The following SLC17A9 variants were observed in gnomAD, a reference collection of about 807,000 sequenced individuals.
SLC17A9 encodes the protein solute carrier family 17 member 9.
Under a neutral mutation model 55.0 loss-of-function variants are expected in SLC17A9, and 49 were observed. The ratio of observed to expected loss-of-function variants is 0.89; its 90% CI spans 0.71 to 1.13. SLC17A9 has a LOEUF of 1.13. Ranked by LOEUF, SLC17A9 falls within the 50% of genes most tolerant of loss-of-function variation. The pLI, the probability that SLC17A9 is intolerant of heterozygous loss-of-function variation, is 0.00. For synonymous variants in SLC17A9, 256 were observed against 247.4 expected, an observed-to-expected ratio of 1.03 and a Z score of -0.32; for missense variants, 526 against 569.3, an observed-to-expected ratio of 0.92 and a Z score of 0.77.
rs2065600677 is a variant in SLC17A9, at chr20:62,962,820, C to G, written c.628+66C>G. On this transcript the variant is annotated intron_variant, in intron 5 of 12. Coordinates refer to ENST00000370351, the MANE Select transcript of SLC17A9 (RefSeq NM_022082.4). The surrounding 1 kb of genome is among the most constrained non-coding windows in gnomAD (Gnocchi z 5.5). ...TGCCCAGTGCCTCCTCCCCTGGTGG[C>G]AGCCGCTGAGCAGCCTGGAGCAGGA... The G allele has an allele frequency of 6.3e-7, 1 of 1,592,058 alleles. No homozygotes were observed. Among genetic ancestry groups the G allele is most frequent in the Non-Finnish European group, 8.6e-7 (1 of 1,168,064 alleles).
At position 62,956,761 on chromosome 20, in the gene SLC17A9, A is replaced by G. The variant is rs2147645794; in HGVS notation, c.60-4A>G. 5 of 1,610,270 alleles carry G rather than the reference A, an allele frequency of 3.1e-6. No homozygotes were observed. Among genetic ancestry groups the G allele is most frequent in the Non-Finnish European group, 4.2e-6 (5 of 1,179,268 alleles). On this transcript the variant is annotated splice_region_variant and splice_polypyrimidine_tract_variant and intron_variant, in intron 1 of 12. Transcript: ENST00000370351. The stretch of plus-strand genomic sequence containing the variant: ...CCAGGGCCTGACCATCTCCTGTCCC[A>G]CAGGCCCGAGTGCCAGGCATGGACG...
intron 3 of SLC17A9, 46 bp downstream of exon 3, chr20:62,957,626 G>T: frequency 6.9e-7 from 1 of 1,455,482 alleles, no homozygotes. Context: ...GGCACCAGGT[G>T]GGGAGACAAG....
At position 62,966,543 on chromosome 20, in the gene SLC17A9, C is replaced by G; in HGVS notation, c.1080C>G (p.Ile360Met). 1 of 1,614,078 alleles carries G rather than the reference C, an allele frequency of 6.2e-7. No homozygotes were observed. Among genetic ancestry groups the G allele is most frequent in the Non-Finnish European group, 8.5e-7 (1 of 1,179,940 alleles). Residue 360 changes from isoleucine to methionine, a missense_variant, in exon 11 of 13, where the codon ATC (isoleucine) becomes ATG (methionine). Transcript: ENST00000370351. ...CCCACAGTGGCATTTCTGTTAACAT[C>G]CAGGACTTGGCCCCGTCCTGCGCCG... Reference protein sequence around the residue: ...TFNHSGISVNIQDLAPSCAGF... With the variant: ...TFNHSGISVNMQDLAPSCAGF...
Position 62,966,719 on chromosome 20 carries a change from C to A in SLC17A9, c.1134C>A (p.Ala378=), listed in dbSNP as rs201954865. The A allele has an allele frequency of 1.1e-5, 17 of 1,612,036 alleles. No homozygotes were observed. Among genetic ancestry groups the A allele is most frequent in the Middle Eastern group, 1.7e-4 (1 of 6,058 alleles). The stretch of plus-strand genomic sequence containing the variant: ...TCTTCACAGGTGTGGCCAACACAGC[C>A]GGGGCCTTGGCAGGTGAGGGGCGGG... ...AGFLFGVANT[A]GALAGVVGVC... is the part of the protein sequence containing the mutation. Residue 378 remains alanine (A), a synonymous_variant, in exon 12 of 13, where the codon GCC becomes GCA. Coordinates refer to ENST00000370351, the MANE Select transcript of SLC17A9 (RefSeq NM_022082.4).
intron 9 of SLC17A9, among the ~76,000 whole-genome samples, 196 bp from the exon 10 acceptor site, chr20:62,965,414 C>T (rs2065626711): frequency 6.6e-6 from 1 of 152,250 alleles, no homozygotes; most frequent in Non-Finnish European, 1.5e-5. Context: ...GGGCCTCTCC[C>T]TTGGAGCGGG....
At chr20:62,966,791 A>C in intron 12 of SLC17A9, 59 bp downstream of exon 12, 1 of 1,579,024 alleles carries the variant, frequency 6.3e-7, no homozygotes, top group Non-Finnish European at 8.5e-7. Context: ...GAGGCCACCG[A>C]GGTGCTGCAG....
Position 62,962,930 on chromosome 20 carries a change from C to T in SLC17A9, c.628+176C>T. The T allele has an allele frequency of 2.2e-6, 2 of 897,920 alleles. No individual in the cohort carries two copies. Among genetic ancestry groups the T allele is most frequent in the South Asian group, 3.4e-5 (2 of 59,446 alleles). 55.6% of individuals were successfully genotyped at this position (897,920 alleles called of 1,614,324 possible). On this transcript the variant is annotated intron_variant, in intron 5 of 12. Transcript: ENST00000370351. This position sits in a 1 kb window ranked among gnomAD's most constrained non-coding sequence, Gnocchi z 5.5. ...TGCTGAGCTGTCAGCGGCTCCGCCA[C>T]CCAATTCGATCTGGAAGGTTCCATC...
intron 7 of SLC17A9, 110 bp downstream of exon 7, chr20:62,963,790 C>T: frequency 9.9e-7 from 1 of 1,013,716 alleles, no homozygotes; most frequent in Non-Finnish European, 1.5e-6. Flanking sequence ...CTCGGCTCCT[C>T]CTGGACTCTG....
intron 1 of SLC17A9, among the ~76,000 whole-genome samples, chr20:62,953,878 C>T (rs1430963139): frequency 3.3e-5 from 5 of 152,254 alleles, no homozygotes; most frequent in African/African-American, 4.8e-5. Flanking sequence ...CCCTGTCAGG[C>T]GCCAATTAGA....
intron 1 of SLC17A9, among the ~76,000 whole-genome samples, chr20:62,954,522 G>A (rs1019779389): frequency 1.8e-4 from 27 of 152,264 alleles, no homozygotes; most frequent in Non-Finnish European, 3.5e-4. Context: ...AGAGTGGTGG[G>A]AGGAAGCTGT....
intron 4 of SLC17A9, among the ~76,000 whole-genome samples, chr20:62,961,459 C>T (rs1425827969): frequency 6.6e-6 from 1 of 152,194 alleles, no homozygotes; most frequent in Non-Finnish European, 1.5e-5. Context: ...AGCTCCAGAC[C>T]CTCTAGCGAT....
chr20:62,960,390 T>A (rs910160480), intron 3 of SLC17A9, 114 bp from the exon 4 acceptor site: 48 of 923,162 alleles, frequency 5.2e-5, no homozygotes, highest in Non-Finnish European at 7.6e-5. Flanking sequence ...GGTGGGGAGG[T>A]GAGCTAGAGG....
intron 2 of SLC17A9, 42 bp downstream of exon 2, chr20:62,957,004 C>T: frequency 6.2e-7 from 1 of 1,610,888 alleles, no homozygotes; most frequent in Non-Finnish European, 8.5e-7. Context: ...GTGGGGGCCG[C>T]CCCACTGGGG....
In SLC17A9 at chr20:62,956,935, A is replaced by G. The variant is rs369723272; in HGVS notation, c.230A>G (p.Gln77Arg). 5.0e-6 allele frequency: 8 copies of G among 1,613,472 alleles called. No individual in the cohort carries two copies. The highest frequency in any genetic ancestry group is 1.3e-5 in the African/African-American group (1 of 75,052). ...SSFFWGYCLT[Q>R]VVGGHLGDRI... ...TTCTTCTGGGGCTACTGCCTGACACAGGTTGTGGGCGGCCACCTCGGGGAT... is the reference window on the plus strand; with the variant it reads ...TTCTTCTGGGGCTACTGCCTGACACGGGTTGTGGGCGGCCACCTCGGGGAT... The change falls in exon 2 of 13, where the codon CAG (glutamine) becomes CGG (arginine). Residue 77 changes from glutamine (Q) to arginine (R), a missense_variant. Physicochemically the swap from Gln to Arg is conservative, Grantham distance 43 (BLOSUM62 1). Transcript: ENST00000370351.
In SLC17A9 at chr20:62,958,675, G is replaced by C. The variant is rs1397419587; in HGVS notation, c.397+1095G>C. Among the ~76,000 whole-genome samples, 1 of 152,128 alleles carries C rather than the reference G, an allele frequency of 6.6e-6. No homozygotes were observed. Among genetic ancestry groups the C allele is most frequent in the African/African-American group, 2.4e-5 (1 of 41,424 alleles). On this transcript the variant is annotated intron_variant, in intron 3 of 12. Transcript: ENST00000370351. The surrounding 1 kb of genome is among the most constrained non-coding windows in gnomAD (Gnocchi z 4.1). ...TGGCCATGGCTCCCCTAGAACCTCT[G>C]CCCTCCCTCTCCTCCAAGTCCAGAG... is the stretch of plus-strand genomic sequence containing the variant.
At chr20:62,963,791 C>T in intron 7 of SLC17A9, 111 bp downstream of exon 7, 1 of 1,012,020 alleles carries the variant, frequency 9.9e-7, no homozygotes, top group Non-Finnish European at 1.5e-6. Flanking sequence ...TCGGCTCCTC[C>T]TGGACTCTGA....
chr20:62,955,253 T>G (rs2065526962), intron 1 of SLC17A9, among the ~76,000 whole-genome samples: 2 of 151,974 alleles, frequency 1.3e-5, no homozygotes, highest in Non-Finnish European at 2.9e-5. Context: ...GTTCAAGCGA[T>G]TCTCCTGCCT....
At chr20:62,964,663 G>A (rs943063292) in intron 8 of SLC17A9, among the ~76,000 whole-genome samples, 4 of 152,230 alleles carry the variant, frequency 2.6e-5, no homozygotes, top group Non-Finnish European at 4.4e-5. Context: ...AGCCCCGAGC[G>A]GGCTGCGTGT....
At chr20:62,956,659 A>C (rs2065538767) in intron 1 of SLC17A9, 106 bp from the exon 2 acceptor site, 13 of 1,068,592 alleles carry the variant, frequency 1.2e-5, no homozygotes, top group Non-Finnish European at 1.7e-5. Flanking sequence ...AGCTGTCCCC[A>C]TTCACAGTCC....
Sources: gnomAD v4.1 joint callset for allele counts (sites outside exome capture counted in the v4.1 genomes callset) on GRCh38, gnomAD v4.1.1 for gene constraint, Gnocchi (gnomAD v3.1) non-coding constraint, MANE v1.5 for transcripts, NCBI Gene and HGNC (gene_info 2026-07-23, HGNC 2026-07-21) for gene names.